Variants in LRRIQ3 observed in about 807,000 individuals in gnomAD.
LRRIQ3 encodes leucine-rich repeat and IQ domain-containing protein 3.
In LRRIQ3, 75 loss-of-function variants were observed where a neutral mutation model predicts 59.3. The ratio of observed to expected loss-of-function variants is 1.26; its 90% CI spans 1.05 to 1.53. LRRIQ3 has a LOEUF of 1.53. LRRIQ3 is among the 40% of genes most tolerant of loss of function. The pLI is 0.00. For missense variants in LRRIQ3, 831 were observed against 710.0 expected (o/e 1.17, Z -1.94); for synonymous variants, 250 against 231.3 (o/e 1.08, Z -0.73).
intron 5 of LRRIQ3, among the ~76,000 whole-genome samples, chr1:74,105,967 A>C (rs1028796479): frequency 6.6e-6 from 1 of 152,018 alleles, no homozygotes; most frequent in African/African-American, 2.4e-5. Context: ...AGATGTGAAC[A>C]TTCAGTATGT....
chr1:74,029,954 C>G (rs1255039714), intron 7 of LRRIQ3, among the ~76,000 whole-genome samples: 2 of 151,922 alleles, frequency 1.3e-5, no homozygotes, highest in Non-Finnish European at 2.9e-5. Context: ...GGAATTTATC[C>G]ATTTCTTCTA....
chr1:74,189,504 G>C (rs75845283), intron 1 of LRRIQ3, among the ~76,000 whole-genome samples: 3 of 152,100 alleles, frequency 2.0e-5, no homozygotes, highest in African/African-American at 4.8e-5. Context: ...TTATGAGGAC[G>C]AAATAAGTCA....
intron 6 of LRRIQ3, among the ~76,000 whole-genome samples, chr1:74,057,152 A>G (rs1351368144): frequency 1.3e-5 from 2 of 152,126 alleles, no homozygotes; most frequent in Non-Finnish European, 2.9e-5. Flanking sequence ...ATACTACCCA[A>G]AGTGGTCTAC....
chr1:74,119,680 A>AAATC (rs1276154352), intron 4 of LRRIQ3, among the ~76,000 whole-genome samples: 6 of 152,136 alleles, frequency 3.9e-5, no homozygotes, highest in Non-Finnish European at 7.4e-5. Context: ...ATTATTAAAT[A>AAATC]AATCATCCTT....
At position 74,084,123 on chromosome 1, in the gene LRRIQ3, G is replaced by A. The variant is rs941749418; in HGVS notation, c.868-9333C>T. ...ACAAGTTTTCATCCTGTTGTCCAAT[G>A]AATGATGTGCATAATTCCTTTTGGC... is the stretch of plus-strand genomic sequence containing the variant. On this transcript the variant is annotated intron_variant, in intron 5 of 7. Transcript: ENST00000354431. 57 of 1,526,410 alleles carry A rather than the reference G, an allele frequency of 3.7e-5. No homozygotes were observed. The African/African-American group carries it at 7.2e-4, about 19-fold the overall frequency. The allele number at this position is 1,526,410 out of a possible 1,614,324, so 94.6% of individuals were successfully genotyped here.
intron 5 of LRRIQ3, among the ~76,000 whole-genome samples, chr1:74,081,486 T>C (rs1026883447): frequency 5.9e-5 from 9 of 151,524 alleles, no homozygotes; most frequent in African/African-American, 1.9e-4. Context: ...TAGAACCCAG[T>C]GAAAAAGAGA....
chr1:74,034,627 C>A (rs1653812696), intron 7 of LRRIQ3, among the ~76,000 whole-genome samples: 1 of 52,666 alleles, frequency 1.9e-5, no homozygotes, highest in Non-Finnish European at 5.3e-5. Context: ...ATTTCCAAAG[C>A]ACACACAGAC....
chr1:74,121,466 A>G (rs941003973), intron 4 of LRRIQ3, among the ~76,000 whole-genome samples: 3 of 152,196 alleles, frequency 2.0e-5, no homozygotes, highest in African/African-American at 4.8e-5. Context: ...ACTATGTGGC[A>G]CAGTAAGCTA....
At chr1:74,080,735 G>A (rs779799119) in intron 5 of LRRIQ3, among the ~76,000 whole-genome samples, 4 of 151,606 alleles carry the variant, frequency 2.6e-5, no homozygotes, top group Non-Finnish European at 5.9e-5. Context: ...AAAAAGAGTC[G>A]CCTTTATTTG....
At chr1:74,097,359 A>G (rs953776018) in intron 5 of LRRIQ3, among the ~76,000 whole-genome samples, 2 of 152,118 alleles carry the variant, frequency 1.3e-5, no homozygotes, top group Non-Finnish European at 2.9e-5. Flanking sequence ...GAAGTTAGAG[A>G]AAAAAGCGTT....
chr1:74,181,850 T>C (rs1156526817), intron 3 of LRRIQ3: 2 of 151,816 alleles, frequency 1.3e-5, no homozygotes, highest in Admixed American at 6.6e-5. Flanking sequence ...AAAATTATGT[T>C]CTATTCTTCC....
At position 74,042,984 on chromosome 1, in the gene LRRIQ3, A is replaced by G. The variant is rs116274420; in HGVS notation, c.998-1051T>C. On this transcript the variant is annotated intron_variant, in intron 6 of 7. Transcript: ENST00000354431. ...CACTTGTTGAAAAAACTTCTCATGG[A>G]CCAGAATCATCCAAGTTGGGTCATT... 3.8e-3 allele frequency among the ~76,000 whole-genome samples: 580 copies of G among 152,228 alleles called. 6 individuals carry two copies. Among genetic ancestry groups the G allele is most frequent in the African/African-American group, 0.013 (556 of 41,566 alleles).
At chr1:74,180,614 CCT>C in intron 3 of LRRIQ3, 1 of 1,089,628 alleles carries the variant, frequency 9.2e-7, no homozygotes, top group South Asian at 1.7e-5. Context: ...TTATTCTTCT[CCT>C]CTTTCCACAC....
In LRRIQ3 at chr1:74,034,122, T is replaced by A. The variant is rs569296454; in HGVS notation, c.1718+7091A>T. On this transcript the variant is annotated intron_variant, in intron 7 of 7. Transcript: ENST00000354431. The stretch of plus-strand genomic sequence containing the variant: ...CACATAGCAGGATTAGGGAGCTACA[T>A]TCTCAATAATGACTTCACTAGTTAT... 4.6e-5 allele frequency among the ~76,000 whole-genome samples: 7 copies of A among 152,104 alleles called. No homozygotes were observed. The South Asian group carries it at 1.4e-3, about 32-fold the overall frequency.
intron 5 of LRRIQ3, among the ~76,000 whole-genome samples, chr1:74,092,224 C>T (rs375044522): frequency 2.6e-4 from 39 of 152,188 alleles, no homozygotes; most frequent in African/African-American, 7.9e-4. Flanking sequence ...TAAAAACAGT[C>T]AGTCACTAAG....
At chr1:74,046,142 A>C (rs1306738734) in intron 6 of LRRIQ3, among the ~76,000 whole-genome samples, 1 of 152,198 alleles carries the variant, frequency 6.6e-6, no homozygotes, top group Admixed American at 6.5e-5. Flanking sequence ...AAGAGCCTGC[A>C]TAGCCAAGAC....
rs143858191 is a variant in LRRIQ3, at chr1:74,183,435, C to T, written c.249+1G>A. On this transcript the variant is annotated splice_donor_variant, in intron 2 of 7. Transcript: ENST00000354431. LOFTEE classifies it high-confidence loss of function. ...AAATATCTGAAATGGCTATTGCTTA[C>T]CTGATTTCCATGGAGATCAAGTTTG... 574 of 1,564,382 alleles carry T rather than the reference C, an allele frequency of 3.7e-4. 1 individual carries two copies. In the African/African-American group the frequency reaches 6.8e-3, roughly 19 times the overall value.
Position 74,145,980 on chromosome 1 carries a change from C to T in LRRIQ3, c.707+9753G>A, listed in dbSNP as rs187958331. ...GGTGGTCCCCATGAAATTATACTAC[C>T]GTACTTTTACTCTCTTTTCTATATT... On this transcript the variant is annotated intron_variant, in intron 4 of 7. Coordinates refer to ENST00000354431, the MANE Select transcript of LRRIQ3 (RefSeq NM_001105659.2). Among the ~76,000 whole-genome samples, 1,074 of 152,064 alleles carry T rather than the reference C, an allele frequency of 7.1e-3. 55 individuals are homozygous for T. The highest frequency in any genetic ancestry group is 0.061 in the Admixed American group (937 of 15,242).
intron 5 of LRRIQ3, among the ~76,000 whole-genome samples, chr1:74,103,994 G>A (rs1646572361): frequency 6.6e-6 from 1 of 151,938 alleles, no homozygotes; most frequent in Non-Finnish European, 1.5e-5. Flanking sequence ...TGAGTAAGGT[G>A]AATCCTTCTC....
Sources: allele counts gnomAD v4.1 joint callset (sites outside exome capture counted in the v4.1 genomes callset), GRCh38; gene constraint gnomAD v4.1.1; transcripts MANE v1.5; gene names NCBI Gene and HGNC (gene_info 2026-07-23, HGNC 2026-07-21).